Variants in ARHGAP28 observed in about 807,000 individuals in gnomAD.
ARHGAP28 encodes Rho GTPase activating protein 28.
A neutral mutation model predicts 90.7 loss-of-function variants in ARHGAP28; 56 were observed. The observed-to-expected ratio is 0.62, with a 90% confidence interval of 0.50 to 0.77. The LOEUF is 0.77. Ranked by LOEUF, ARHGAP28 falls within the 30% of genes least tolerant of loss-of-function variation. ARHGAP28 has a pLI of 0.00. For missense variants in ARHGAP28, 869 were observed against 900.9 expected (o/e 0.96, Z 0.45); for synonymous variants, 308 against 323.3 (o/e 0.95, Z 0.51).
At chr18:6,735,084 G>A (rs886158779) in intron 1 of ARHGAP28, among the ~76,000 whole-genome samples, 2 of 152,140 alleles carry the variant, frequency 1.3e-5, no homozygotes, top group Non-Finnish European at 2.9e-5. Context: ...AAAAGTTTAG[G>A]GAATTTAGAG....
At chr18:6,791,673 G>C (rs1177168040) in intron 1 of ARHGAP28, 1 of 152,100 alleles carries the variant, frequency 6.6e-6, no homozygotes, top group Non-Finnish European at 1.5e-5. Context: ...CCAGAATGGT[G>C]AGTATTTGAA....
intron 1 of ARHGAP28, among the ~76,000 whole-genome samples, chr18:6,761,513 A>G (rs1411490691): frequency 6.6e-6 from 1 of 152,176 alleles, no homozygotes; most frequent in Non-Finnish European, 1.5e-5. Context: ...AGGCATTGCC[A>G]CTGCTGAACC....
chr18:6,779,597 A>G (rs1023631855), intron 1 of ARHGAP28, among the ~76,000 whole-genome samples: 9 of 152,224 alleles, frequency 5.9e-5, no homozygotes, highest in South Asian at 2.1e-4. Flanking sequence ...GATCTCCTTA[A>G]CAGCCATTGT....
chr18:6,896,332 G>A (rs2057304482), intron 15 of ARHGAP28, among the ~76,000 whole-genome samples, 170 bp from the exon 16 acceptor site: 1 of 152,166 alleles, frequency 6.6e-6, no homozygotes. Context: ...TTAGTCATGA[G>A]TGAGTCTCCA....
intron 1 of ARHGAP28, among the ~76,000 whole-genome samples, chr18:6,765,309 A>G (rs961300700): frequency 2.0e-5 from 3 of 152,106 alleles, no homozygotes; most frequent in Non-Finnish European, 1.5e-5. Flanking sequence ...TATGAATTCA[A>G]TTTCTTTAAT....
At chr18:6,788,787 C>T (rs904878649) in intron 1 of ARHGAP28, 1 of 152,062 alleles carries the variant, frequency 6.6e-6, no homozygotes, top group Non-Finnish European at 1.5e-5. Flanking sequence ...ATAGCAATGC[C>T]AGGATGGTGT....
At chr18:6,879,948 T>C (rs976163161) in intron 10 of ARHGAP28, among the ~76,000 whole-genome samples, 1 of 152,230 alleles carries the variant, frequency 6.6e-6, no homozygotes, top group African/African-American at 2.4e-5. Flanking sequence ...TGGTGCCCTG[T>C]TGCCCCTTAG....
intron 3 of ARHGAP28, among the ~76,000 whole-genome samples, chr18:6,841,208 C>CTCTCTCTCTCTCCTCTCT (rs1555631529): frequency 4.6e-5 from 2 of 43,134 alleles, no homozygotes; most frequent in African/African-American, 1.8e-4. Context: ...TCTCTCCTCT[C>CTCTCTCTCTCTCCTCTCT]CTCTCTCTCT....
In ARHGAP28 at chr18:6,729,920, C is replaced by G. The variant is rs951354123; in HGVS notation, c.99C>G (p.Ala33=). The change falls in exon 1 of 18, where the codon GCC becomes GCG. Residue 33 remains alanine (A), a synonymous_variant. Coordinates refer to ENST00000383472, the MANE Select transcript of ARHGAP28 (RefSeq NM_001366230.1). The part of the protein sequence containing the change: ...PNAESRCAPR[A]AASHPLSRKS... ...CCGAGTCGCGCTGCGCGCCCCGCGC[C>G]GCAGCCAGCCACCCGCTCAGCAGGT... 25 of 1,401,708 alleles carry G rather than the reference C, an allele frequency of 1.8e-5. No individual in the cohort carries two copies. The African/African-American group carries it at 3.4e-4, about 19-fold the overall frequency. The allele number at this position is 1,401,708 out of a possible 1,614,324, so 86.8% of individuals were successfully genotyped here. A position where few individuals can be genotyped will look rare whatever the true frequency, so the allele number is the denominator to read the frequency against.
chr18:6,848,799 G>C (rs1264548192), intron 3 of ARHGAP28, among the ~76,000 whole-genome samples: 1 of 152,090 alleles, frequency 6.6e-6, no homozygotes, highest in Non-Finnish European at 1.5e-5. Context: ...GTACCAGAAG[G>C]ATCTCAGGCA....
chr18:6,885,436 G>C (rs1429452048), intron 11 of ARHGAP28, among the ~76,000 whole-genome samples: 2 of 152,166 alleles, frequency 1.3e-5, no homozygotes, highest in African/African-American at 2.4e-5. Context: ...AGAGAACACA[G>C]AGCCTTTTCC....
intron 1 of ARHGAP28, among the ~76,000 whole-genome samples, chr18:6,811,659 AT>A (rs1179012362): frequency 4.0e-5 from 6 of 150,758 alleles, no homozygotes; most frequent in South Asian, 2.1e-4. Flanking sequence ...TTACACGTCT[AT>A]TTTTTTTTCT....
intron 1 of ARHGAP28, among the ~76,000 whole-genome samples, chr18:6,763,753 C>T (rs941884824): frequency 2.0e-5 from 3 of 152,144 alleles, no homozygotes; most frequent in South Asian, 2.1e-4. Context: ...CCAGTAGTCT[C>T]GCCTGGCCCA....
At chr18:6,868,053 T>C in intron 5 of ARHGAP28, 97 bp from the exon 6 acceptor site, 1 of 952,232 alleles carries the variant, frequency 1.1e-6, no homozygotes, top group South Asian at 1.7e-5. Context: ...TATGTGAAAA[T>C]AACTCTTGTA....
chr18:6,764,340 TTGA>T (rs1388871681), intron 1 of ARHGAP28, among the ~76,000 whole-genome samples: 3 of 152,216 alleles, frequency 2.0e-5, no homozygotes, highest in African/African-American at 7.2e-5. Flanking sequence ...AGTAACTGTC[TTGA>T]TGATCAGATT....
At chr18:6,859,386 C>T (rs2056979649) in intron 4 of ARHGAP28, among the ~76,000 whole-genome samples, 1 of 152,178 alleles carries the variant, frequency 6.6e-6, no homozygotes, top group African/African-American at 2.4e-5. Context: ...AGGCTGTCGT[C>T]TGTGGTCCTG....
At chr18:6,749,042 G>T (rs1313099129) in intron 1 of ARHGAP28, among the ~76,000 whole-genome samples, 1 of 152,190 alleles carries the variant, frequency 6.6e-6, no homozygotes, top group East Asian at 1.9e-4. Context: ...TGGAGATAAA[G>T]CTTCTAGCAC....
At chr18:6,775,550 G>A (rs1057355854) in intron 1 of ARHGAP28, among the ~76,000 whole-genome samples, 62 of 152,258 alleles carry the variant, frequency 4.1e-4, no homozygotes, top group Admixed American at 2.0e-4. Flanking sequence ...TCCGATTTCA[G>A]GTGGTGTAAG....
chr18:6,815,353 C>T (rs1321593499), intron 1 of ARHGAP28, among the ~76,000 whole-genome samples: 1 of 152,104 alleles, frequency 6.6e-6, no homozygotes, highest in Non-Finnish European at 1.5e-5. Flanking sequence ...AACCCATGCC[C>T]CTTTGGGAAA....
Sources: allele counts gnomAD v4.1 joint callset (sites outside exome capture counted in the v4.1 genomes callset), GRCh38; gene constraint gnomAD v4.1.1; transcripts MANE v1.5; gene names NCBI Gene and HGNC (gene_info 2026-07-23, HGNC 2026-07-21).